The following ZNF98 variants were observed in gnomAD, a reference collection of about 807,000 sequenced individuals.
ZNF98 encodes the protein zinc finger protein 98.
In ZNF98, 8 loss-of-function variants were observed where a neutral mutation model predicts 12.8. The observed-to-expected ratio is 0.63, with a 90% CI of 0.37 to 1.13. The LOEUF is 1.13. Ranked by LOEUF, ZNF98 falls within the 50% of genes most tolerant of loss-of-function variation. The pLI is 0.01. For missense variants in ZNF98, 379 were observed against 666.1 expected (o/e 0.57, Z 4.74); for synonymous variants, 112 against 223.5 (o/e 0.50, Z 4.45).
Position 22,392,015 on chromosome 19 carries a change from T to G in ZNF98, c.1220A>C (p.Lys407Thr). ...AAAGGCTTTGCTACATACTTCACAT[T>G]TGTAGAATTTCTCTCCAGCATGAAT... ...KRIHAGEKFY[K>T]CEVCSKAFSR... The change falls in exon 4 of 4, where the codon AAA becomes ACA. Residue 407 changes from lysine (K) to threonine (T), a missense_variant. By Grantham distance (78) the Lys-to-Thr change is moderately conservative (BLOSUM62 -1). Around this residue, in one of 8 missense-constraint regions of ZNF98, gnomAD observed 19 missense variants for 119.7 expected, o/e 0.16. Coordinates refer to ENST00000357774, the MANE Select transcript of ZNF98 (RefSeq NM_001098626.2). The G allele has an allele frequency of 1.3e-6, 2 of 1,556,462 alleles. No homozygotes were observed. The highest frequency in any genetic ancestry group is 1.7e-6 in the Non-Finnish European group (2 of 1,149,882).
intron 1 of ZNF98, among the ~76,000 whole-genome samples, chr19:22,404,626 G>A (rs998617605): frequency 1.3e-5 from 2 of 152,192 alleles, no homozygotes; most frequent in African/African-American, 4.8e-5. Flanking sequence ...GAAGGACACG[G>A]CATCACTGCT....
At chr19:22,404,362 A>G (rs981923632) in intron 1 of ZNF98, among the ~76,000 whole-genome samples, 4 of 152,230 alleles carry the variant, frequency 2.6e-5, no homozygotes, top group African/African-American at 9.6e-5. Flanking sequence ...TGTGTTTTTC[A>G]GTTTTTCTGG....
intron 1 of ZNF98, among the ~76,000 whole-genome samples, chr19:22,415,944 A>C (rs977638248): frequency 9.7e-5 from 11 of 113,970 alleles, no homozygotes; most frequent in Admixed American, 3.6e-4. Context: ...AAAAAAAAAA[A>C]AAAAAACTAC....
At chr19:22,413,711 A>G (rs1969605256) in intron 1 of ZNF98, among the ~76,000 whole-genome samples, 1 of 151,916 alleles carries the variant, frequency 6.6e-6, no homozygotes, top group Non-Finnish European at 1.5e-5. Context: ...TCTCTACTAA[A>G]AACACAAAAT....
chr19:22,409,271 T>A (rs1025535539), intron 1 of ZNF98, among the ~76,000 whole-genome samples: 1 of 152,072 alleles, frequency 6.6e-6, no homozygotes, highest in Non-Finnish European at 1.5e-5. Context: ...CTTCCTTACA[T>A]CTTATACAAA....
intron 1 of ZNF98, among the ~76,000 whole-genome samples, chr19:22,407,508 T>G (rs2145117023): frequency 6.7e-6 from 1 of 149,268 alleles, no homozygotes; most frequent in Non-Finnish European, 1.5e-5. Context: ...GGTCAGGAGT[T>G]CAAGACCAGC....
At position 22,420,544 on chromosome 19, in the gene ZNF98, G is replaced by C. The variant is rs564071319; in HGVS notation, c.30+1651C>G. Among the ~76,000 whole-genome samples, 4 of 152,198 alleles carry C rather than the reference G, an allele frequency of 2.6e-5. No homozygotes were observed. The South Asian group carries it at 8.3e-4, about 32-fold the overall frequency. Reference sequence around the variant, plus strand: ...GTGAAGACAATTGTAATGTCTCAAGGGGTTAGCTTTTCAAAGGAAGAGTAC... The same window carrying C: ...GTGAAGACAATTGTAATGTCTCAAGCGGTTAGCTTTTCAAAGGAAGAGTAC... On this transcript the variant is annotated intron_variant, in intron 1 of 3. Transcript: ENST00000357774.
chr19:22,409,721 G>C (rs1378609188), intron 1 of ZNF98, among the ~76,000 whole-genome samples: 2 of 151,924 alleles, frequency 1.3e-5, no homozygotes, highest in Non-Finnish European at 2.9e-5. Context: ...AGACCAGCCT[G>C]GCCAATATGG....
chr19:22,396,047 TA>T (rs10647548), intron 3 of ZNF98, among the ~76,000 whole-genome samples: 63 of 149,876 alleles, frequency 4.2e-4, no homozygotes, highest in Admixed American at 3.6e-3. Flanking sequence ...GTAAAAGTAT[TA>T]AAAAAAAACA....
intron 3 of ZNF98, among the ~76,000 whole-genome samples, chr19:22,395,220 C>T (rs188460927): frequency 1.1e-4 from 17 of 150,724 alleles, no homozygotes; most frequent in African/African-American, 3.9e-4. Context: ...GAATAAACTC[C>T]GCTGACTAAA....
chr19:22,415,080 A>AT (rs201741694), intron 1 of ZNF98, among the ~76,000 whole-genome samples: 2,362 of 150,930 alleles, frequency 0.016, 73 homozygotes, highest in African/African-American at 0.054. Flanking sequence ...CATGAAAAAG[A>AT]TTTTTTTTTC....
At chr19:22,404,476 C>G (rs1313225978) in intron 1 of ZNF98, among the ~76,000 whole-genome samples, 1 of 152,122 alleles carries the variant, frequency 6.6e-6, no homozygotes, top group Non-Finnish European at 1.5e-5. Flanking sequence ...TTATGCACAT[C>G]TGCTGAATAA....
Position 22,391,457 on chromosome 19 carries a change from A to G in ZNF98, c.*59T>C. 2.0e-6 allele frequency: 3 copies of G among 1,500,044 alleles called. No individual in the cohort carries two copies. Among genetic ancestry groups the G allele is most frequent in the Non-Finnish European group, 2.7e-6 (3 of 1,125,358 alleles). The allele number at this position is 1,500,044 out of a possible 1,614,324, so 92.9% of individuals were successfully genotyped here. Reference sequence around the variant, plus strand: ...GTAGAAGTTTTCTCCAGAATGAATTACCTTACCTACAATCCAGTGTGATAA... The same window carrying G: ...GTAGAAGTTTTCTCCAGAATGAATTGCCTTACCTACAATCCAGTGTGATAA... On this transcript the variant is annotated 3_prime_UTR_variant, in exon 4 of 4. Transcript: ENST00000357774.
chr19:22,407,780 C>T (rs554015674), intron 1 of ZNF98, among the ~76,000 whole-genome samples: 181 of 151,536 alleles, frequency 1.2e-3, no homozygotes, highest in Middle Eastern at 7.0e-3. Context: ...CATCAAAAAA[C>T]ATCCACCAGG....
intron 1 of ZNF98, among the ~76,000 whole-genome samples, chr19:22,410,300 C>T (rs886961586): frequency 1.2e-4 from 19 of 152,162 alleles, no homozygotes; most frequent in Admixed American, 9.8e-4. Flanking sequence ...CACATGCACA[C>T]GTATGTTTAC....
intron 1 of ZNF98, among the ~76,000 whole-genome samples, chr19:22,416,794 T>C (rs183159993): frequency 1.9e-4 from 29 of 152,026 alleles, no homozygotes; most frequent in Admixed American, 5.2e-4. Flanking sequence ...TAAAATAGTG[T>C]GTGGCCGTTA....
intron 1 of ZNF98, among the ~76,000 whole-genome samples, chr19:22,415,769 T>C (rs1352459458): frequency 6.7e-6 from 1 of 150,268 alleles, no homozygotes; most frequent in Non-Finnish European, 1.5e-5. Context: ...CTGGACAACA[T>C]AGTGAGAACC....
chr19:22,392,733 T>C lies in ZNF98; in HGVS notation c.502A>G (p.Asn168Asp). 1 of 1,606,740 alleles carries C rather than the reference T, an allele frequency of 6.2e-7. No individual in the cohort carries two copies. The highest frequency in any genetic ancestry group is 8.5e-7 in the Non-Finnish European group (1 of 1,176,412). The part of the protein sequence containing the change: ...KYVKVFHKFS[N>D]SNRHKIGHTG... ...TGTCCTATCTTATGTCTGTTTGAAT[T>C]TGAAAATTTATGAAAGACTTTCACA... Residue 168 changes from asparagine to aspartate, a missense_variant, in exon 4 of 4, where the codon AAT becomes GAT. Physicochemically the swap from Asn to Asp is conservative, Grantham distance 23. Around this residue, in one of 8 missense-constraint regions of ZNF98, gnomAD observed 223 missense variants for 261.6 expected, o/e 0.85. Transcript: ENST00000357774.
chr19:22,393,076 C>A, intron 3 of ZNF98, 95 bp from the exon 4 acceptor site: 4 of 1,226,128 alleles, frequency 3.3e-6, no homozygotes, highest in Non-Finnish European at 4.3e-6. Context: ...AACTACATCA[C>A]AAGATGTTAC....
Sources: allele counts gnomAD v4.1 joint callset (sites outside exome capture counted in the v4.1 genomes callset), GRCh38; gene constraint gnomAD v4.1.1; regional missense constraint gnomAD v4.1.1; transcripts MANE v1.5; gene names NCBI Gene and HGNC (gene_info 2026-07-23, HGNC 2026-07-21).